Variants in SMPD4 observed in about 807,000 individuals in gnomAD.
SMPD4 encodes the protein sphingomyelin phosphodiesterase 4, also known as neutral sphingomyelinase 3.
A neutral mutation model predicts 97.8 loss-of-function variants in SMPD4; 58 were observed. That is an observed-to-expected ratio of 0.59 (90% CI 0.48 to 0.74). The LOEUF is 0.74. Among genes scored for constraint, SMPD4 ranks in the 30% least tolerant of loss-of-function variants. The probability of loss-of-function intolerance (pLI) is 0.00; values close to 1 mark genes in which losing one functional copy is unlikely to be tolerated. For missense variants in SMPD4, 853 were observed against 1,080.5 expected (o/e 0.79, Z 2.95); for synonymous variants, 388 against 450.0 (o/e 0.86, Z 1.74).
At chr2:130,176,442 C>G in intron 2 of SMPD4, 112 bp downstream of exon 2, 1 of 756,784 alleles carries the variant, frequency 1.3e-6, no homozygotes, top group Non-Finnish European at 2.1e-6. Context: ...CCATCACATG[C>G]CCCTAAAAAA....
chr2:130,157,316 C>T lies in SMPD4; in HGVS notation c.1032G>A (p.Leu344=), dbSNP rs755615020. The T allele has an allele frequency of 1.9e-6, 3 of 1,584,358 alleles. No individual in the cohort carries two copies. In the African/African-American group the frequency reaches 4.0e-5, roughly 21 times the overall value. ...LKHLHAFANS[L]KPEQASPSAH... is the part of the protein sequence containing the mutation. ...CGGAGGGTGAGGCCTGCTCTGGCTT[C>T]AGGCTGTTGGCAAAGGCGTGCAGGT... The change falls in exon 12 of 20, where the codon CTG becomes CTA. Residue 344 remains leucine, a synonymous_variant. Transcript: ENST00000680298.
chr2:130,167,232 C>T lies in SMPD4; in HGVS notation c.792+226G>A, dbSNP rs554513925. On this transcript the variant is annotated intron_variant, in intron 9 of 19. Coordinates refer to ENST00000680298, the MANE Select transcript of SMPD4 (RefSeq NM_017951.5). ...ACCTCCTGGGTTCAAGCGATTCTCCCGCCTCAGCCTCCCGAGTAGCTGGGA... is the reference window on the plus strand; with the variant it reads ...ACCTCCTGGGTTCAAGCGATTCTCCTGCCTCAGCCTCCCGAGTAGCTGGGA... Among the ~76,000 whole-genome samples, 14 of 152,130 alleles carry T rather than the reference C, an allele frequency of 9.2e-5. 1 individual carries two copies. In the South Asian group the frequency reaches 2.5e-3, roughly 27 times the overall value.
rs1310303850 is a variant in SMPD4, at chr2:130,151,949, CT to C, written c.*605del. The C allele has an allele frequency of 6.5e-6, 1 of 153,172 alleles. No individual in the cohort carries two copies. The highest frequency in any genetic ancestry group is 2.4e-5 in the African/African-American group (1 of 41,462). The allele number at this position is 153,172 out of a possible 1,614,324, so 9.5% of individuals were successfully genotyped here. On this transcript the variant is annotated 3_prime_UTR_variant, in exon 20 of 20. Transcript: ENST00000680298. ...TGAAGCCCCTGGGCTCTGGGAGGGT[CT>C]TAGGCTCCTGAAACATGGAATTCTA... is the stretch of plus-strand genomic sequence containing the variant.
chr2:130,179,969 CCTT>C (rs895445870), intron 1 of SMPD4, among the ~76,000 whole-genome samples: 3 of 116,118 alleles, frequency 2.6e-5, no homozygotes, highest in African/African-American at 9.1e-5. Flanking sequence ...TCTTTTTTCT[CCTT>C]TTTTTTTTTT....
intron 3 of SMPD4, 147 bp downstream of exon 3, chr2:130,174,767 C>G: frequency 1.8e-6 from 1 of 556,056 alleles, no homozygotes; most frequent in Non-Finnish European, 3.3e-6. Context: ...TAAATGTGTC[C>G]GTAAACATAA....
rs371715128 is a variant in SMPD4, at chr2:130,173,402, C to T, written c.270-48G>A. On this transcript the variant is annotated intron_variant, in intron 4 of 19. Coordinates refer to ENST00000680298, the MANE Select transcript of SMPD4 (RefSeq NM_017951.5). Reference sequence around the variant, plus strand: ...AAACAAAAACAGGGCAAATGAACTGCGAATTATCTTGCTTTGATTGTTTCT... The same window carrying T: ...AAACAAAAACAGGGCAAATGAACTGTGAATTATCTTGCTTTGATTGTTTCT... 2,353 of 1,605,440 alleles carry T rather than the reference C, an allele frequency of 1.5e-3. 7 individuals carry two copies. Among genetic ancestry groups the T allele is most frequent in the African/African-American group, 4.5e-3 (336 of 74,580 alleles).
chr2:130,176,979 T>C (rs1689034271), intron 1 of SMPD4, among the ~76,000 whole-genome samples: 1 of 152,164 alleles, frequency 6.6e-6, no homozygotes, highest in African/African-American at 2.4e-5. Flanking sequence ...TGTGAGCCAC[T>C]GCACCTGGCC....
chr2:130,152,815 T>G lies in SMPD4; in HGVS notation c.2224A>C (p.Thr742Pro). Reference sequence around the variant, plus strand: ...TGCCTGCTGGCCAGCCCAGGTTCTGTGAGGTGGTAGCGACAGAAGCTGCCG... The same window carrying G: ...TGCCTGCTGGCCAGCCCAGGTTCTGGGAGGTGGTAGCGACAGAAGCTGCCG... Reference protein sequence around the residue: ...FLGSFCRYHLTEPGLASRHLL... With the variant: ...FLGSFCRYHLPEPGLASRHLL... Residue 742 changes from threonine to proline, a missense_variant, in exon 20 of 20, where the codon ACA becomes CCA. By Grantham distance (38) the Thr-to-Pro change is conservative. Transcript: ENST00000680298. 6.2e-7 allele frequency: 1 copy of G among 1,607,914 alleles called. No individual in the cohort carries two copies. Among genetic ancestry groups the G allele is most frequent in the Non-Finnish European group, 8.5e-7 (1 of 1,176,540 alleles).
At chr2:130,163,711 A>T (rs1016183147) in intron 10 of SMPD4, among the ~76,000 whole-genome samples, 7 of 152,146 alleles carry the variant, frequency 4.6e-5, no homozygotes, top group Non-Finnish European at 8.8e-5. Context: ...CTGCTTTCTC[A>T]CTCTGACCGG....
chr2:130,180,539 G>A (rs1689469849), intron 1 of SMPD4, among the ~76,000 whole-genome samples: 1 of 152,056 alleles, frequency 6.6e-6, no homozygotes, highest in Admixed American at 6.5e-5. Context: ...CCAAAGTGCT[G>A]GGATTACAGG....
At chr2:130,180,265 CTT>C (rs903328600) in intron 1 of SMPD4, among the ~76,000 whole-genome samples, 3 of 144,290 alleles carry the variant, frequency 2.1e-5, no homozygotes, top group Non-Finnish European at 4.6e-5. Flanking sequence ...GCCCGGCCAG[CTT>C]TCTCTTTTTC....
intron 11 of SMPD4, chr2:130,157,750 C>T (rs947696876): frequency 6.3e-6 from 2 of 318,546 alleles, no homozygotes; most frequent in Non-Finnish European, 6.0e-6. Context: ...TGCCCTTGGG[C>T]GCTGGTGCCT....
chr2:130,163,149 C>T (rs972832913), intron 10 of SMPD4, among the ~76,000 whole-genome samples: 13 of 152,244 alleles, frequency 8.5e-5, no homozygotes, highest in African/African-American at 2.4e-4. Context: ...GGCCACGCCA[C>T]GCCACGCCAC....
At chr2:130,174,030 A>C (rs141988369) in intron 3 of SMPD4, among the ~76,000 whole-genome samples, 1 of 152,172 alleles carries the variant, frequency 6.6e-6, no homozygotes, top group Non-Finnish European at 1.5e-5. Context: ...AACAAAATAC[A>C]TATTTATTGA....
At chr2:130,166,215 G>A (rs1317295315) in intron 9 of SMPD4, among the ~76,000 whole-genome samples, 5 of 150,914 alleles carry the variant, frequency 3.3e-5, no homozygotes, top group East Asian at 2.0e-4. Flanking sequence ...GGGCTGAGGC[G>A]GGAGAATCAC....
intron 19 of SMPD4, 26 bp from the exon 20 acceptor site, chr2:130,152,910 A>T: frequency 6.4e-7 from 1 of 1,566,552 alleles, no homozygotes; most frequent in South Asian, 1.2e-5. Context: ...AGGCACGGGG[A>T]TGTGGGGTGG....
chr2:130,172,763 T>C, intron 6 of SMPD4, 24 bp downstream of exon 6: 1 of 1,614,130 alleles, frequency 6.2e-7, no homozygotes, highest in South Asian at 1.1e-5. Flanking sequence ...ACAGCCTCCC[T>C]ACCTCAGGGC....
chr2:130,176,501 A>G, intron 2 of SMPD4, 53 bp downstream of exon 2: 1 of 1,443,840 alleles, frequency 6.9e-7, no homozygotes, highest in African/African-American at 1.4e-5. Context: ...CTCAAGTCCC[A>G]CATCTACAGA....
At chr2:130,169,735 A>C (rs1688261510) in intron 8 of SMPD4, among the ~76,000 whole-genome samples, 1 of 151,842 alleles carries the variant, frequency 6.6e-6, no homozygotes, top group Non-Finnish European at 1.5e-5. Flanking sequence ...TTTTTTTTGT[A>C]GAAATGAGGT....
Sources: gnomAD v4.1 joint callset for allele counts (sites outside exome capture counted in the v4.1 genomes callset) on GRCh38, gnomAD v4.1.1 for gene constraint, MANE v1.5 for transcripts, NCBI Gene and HGNC (gene_info 2026-07-23, HGNC 2026-07-21) for gene names.